Variants in GSE1 observed in about 807,000 individuals in gnomAD.
GSE1 encodes the protein genetic suppressor element 1.
In GSE1, 32 loss-of-function variants were observed where a neutral mutation model predicts 112.6. The observed-to-expected ratio is 0.28, with a 90% CI of 0.21 to 0.38. The LOEUF (loss-of-function observed/expected upper bound fraction) is 0.38. Among genes scored for constraint, GSE1 ranks in the 10% least tolerant of loss-of-function variants. The probability of loss-of-function intolerance (pLI) is 1.00; values close to 1 mark genes in which losing one functional copy is unlikely to be tolerated. For missense variants in GSE1, 2,348 were observed against 1,699.2 expected, an observed-to-expected ratio of 1.38 and a Z score of -6.71; for synonymous variants, 1,115 against 735.6, an observed-to-expected ratio of 1.52 and a Z score of -8.35.
intron 1 of GSE1, among the ~76,000 whole-genome samples, chr16:85,208,800 GT>G (rs2075167382): frequency 9.4e-6 from 1 of 106,548 alleles, no homozygotes; most frequent in African/African-American, 3.2e-5. Flanking sequence ...GGGTTCGCCT[GT>G]GTTGGGGTTT....
chr16:85,259,220 C>G (rs917105794), intron 1 of GSE1, among the ~76,000 whole-genome samples: 1 of 152,132 alleles, frequency 6.6e-6, no homozygotes, highest in Non-Finnish European at 1.5e-5. Context: ...CCGGTTGCCT[C>G]CCGGCTGCCC....
rs201281892 is a variant in GSE1, at chr16:85,654,401, G to T, written c.550G>T (p.Gly184Cys). 1.9e-6 allele frequency: 3 copies of T among 1,600,608 alleles called. No homozygotes were observed. In the South Asian group the frequency reaches 3.3e-5, roughly 18 times the overall value. ...SHLLSTPYPF[G>C]LSPSSVVQDS... Reference sequence around the variant, plus strand: ...CCTGCTCAGCACCCCCTACCCCTTCGGCCTCTCCCCCAGCTCAGTTGTGCA... The same window carrying T: ...CCTGCTCAGCACCCCCTACCCCTTCTGCCTCTCCCCCAGCTCAGTTGTGCA... Residue 184 changes from glycine to cysteine, a missense_variant, in exon 4 of 16, where the codon GGC (glycine) becomes TGC (cysteine). By Grantham distance (159) the Gly-to-Cys change is radical. Transcript: ENST00000253458.
At chr16:85,273,584 A>G (rs1196977139) in intron 1 of GSE1, among the ~76,000 whole-genome samples, 1 of 152,164 alleles carries the variant, frequency 6.6e-6, no homozygotes, top group Non-Finnish European at 1.5e-5. Flanking sequence ...GTCCATTCGT[A>G]TGGGATGCCC....
At chr16:85,445,010 T>C (rs1473128013) in intron 2 of GSE1, among the ~76,000 whole-genome samples, 2 of 152,230 alleles carry the variant, frequency 1.3e-5, no homozygotes, top group African/African-American at 2.4e-5. Flanking sequence ...CCGCTTTTCA[T>C]GCTTCAGGTT....
intron 2 of GSE1, among the ~76,000 whole-genome samples, chr16:85,388,897 G>C (rs900760): frequency 0.66 from 100,201 of 152,066 alleles, 35,559 homozygotes; most frequent in East Asian, 0.89. Flanking sequence ...GTTGTGGTTA[G>C]ATGGGGAATC....
intron 2 of GSE1, among the ~76,000 whole-genome samples, chr16:85,391,825 C>T (rs2047844930): frequency 6.6e-6 from 1 of 152,186 alleles, no homozygotes; most frequent in Non-Finnish European, 1.5e-5. Context: ...TCTCCGAGCT[C>T]ACCTGCAGAT....
chr16:85,445,522 A>G (rs2151790948), intron 2 of GSE1, among the ~76,000 whole-genome samples: 1 of 152,356 alleles, frequency 6.6e-6, no homozygotes, highest in East Asian at 1.9e-4. Flanking sequence ...GGCGGCTGGC[A>G]GCGATCTGCT....
chr16:85,642,355 G>C (rs965338188), intron 2 of GSE1, among the ~76,000 whole-genome samples: 1 of 152,208 alleles, frequency 6.6e-6, no homozygotes, highest in African/African-American at 2.4e-5. Context: ...ACACTAACTT[G>C]GGGACAGAAC....
intron 2 of GSE1, among the ~76,000 whole-genome samples, chr16:85,421,690 C>A (rs1176046726): frequency 6.6e-6 from 1 of 152,126 alleles, no homozygotes; most frequent in East Asian, 1.9e-4. Flanking sequence ...CCATTTGTTC[C>A]TGCCTGGAGG....
intron 2 of GSE1, among the ~76,000 whole-genome samples, chr16:85,531,373 C>T (rs1380488690): frequency 6.6e-6 from 1 of 152,082 alleles, no homozygotes; most frequent in Non-Finnish European, 1.5e-5. Context: ...GCCGCTGACC[C>T]CTGTCATGGC....
intron 2 of GSE1, among the ~76,000 whole-genome samples, chr16:85,427,494 C>T (rs910443952): frequency 9.2e-5 from 14 of 152,080 alleles, no homozygotes; most frequent in Non-Finnish European, 1.9e-4. Context: ...ATACAAAAAT[C>T]AGCCGGGCAT....
At chr16:85,637,178 C>T (rs574228137) in intron 2 of GSE1, among the ~76,000 whole-genome samples, 4 of 152,346 alleles carry the variant, frequency 2.6e-5, no homozygotes, top group East Asian at 3.9e-4. Flanking sequence ...TCAGCTCCCA[C>T]GCCCTCCCCC....
At chr16:85,256,360 A>G (rs1282606537) in intron 1 of GSE1, among the ~76,000 whole-genome samples, 4 of 152,214 alleles carry the variant, frequency 2.6e-5, no homozygotes, top group Non-Finnish European at 1.5e-5. Context: ...AAAAATGACA[A>G]CAGTCAGCAC....
At chr16:85,325,326 C>T (rs923012345) in intron 1 of GSE1, among the ~76,000 whole-genome samples, 2 of 152,078 alleles carry the variant, frequency 1.3e-5, no homozygotes, top group African/African-American at 2.4e-5. Context: ...TGGGCCTGGA[C>T]GGGCACTGTG....
At chr16:85,169,693 C>G (rs2143096137) in exon 1 of GSE1, 1 of 983,406 alleles carries the variant, frequency 1.0e-6, no homozygotes, top group Non-Finnish European at 1.2e-6. Flanking sequence ...CGCGGGGACC[C>G]CGGCGCAGCC....
intron 1 of GSE1, among the ~76,000 whole-genome samples, chr16:85,173,590 A>G (rs2074401873): frequency 1.3e-5 from 2 of 152,166 alleles, no homozygotes; most frequent in African/African-American, 4.8e-5. Context: ...TATACCTGGC[A>G]GTGGTGTTTC....
intron 2 of GSE1, among the ~76,000 whole-genome samples, chr16:85,408,408 T>C (rs554286281): frequency 3.1e-5 from 1 of 32,586 alleles, no homozygotes. Flanking sequence ...TAATCCTCAC[T>C]GTTACACTCA....
intron 1 of GSE1, among the ~76,000 whole-genome samples, chr16:85,632,284 G>A (rs930856113): frequency 6.6e-6 from 1 of 152,220 alleles, no homozygotes. Flanking sequence ...TTGTTCCCAA[G>A]GTGTGAGCTC....
intron 2 of GSE1, among the ~76,000 whole-genome samples, chr16:85,504,417 C>T (rs1330671337): frequency 6.6e-6 from 1 of 152,190 alleles, no homozygotes; most frequent in Non-Finnish European, 1.5e-5. Flanking sequence ...GGTGTGAGGA[C>T]AGCTGCAGCC....
Sources: gnomAD v4.1 joint callset for allele counts (sites outside exome capture counted in the v4.1 genomes callset) on GRCh38, gnomAD v4.1.1 for gene constraint, MANE v1.5 for transcripts, NCBI Gene and HGNC (gene_info 2026-07-23, HGNC 2026-07-21) for gene names.